SGCZ: variants seen among roughly 807,000 people sequenced by gnomAD.
SGCZ encodes the protein zeta-sarcoglycan.
SGCZ carries 40 observed loss-of-function variants against 41.3 expected under a neutral mutation model. That is an observed-to-expected ratio of 0.97 (90% CI 0.75 to 1.26). The LOEUF (loss-of-function observed/expected upper bound fraction) is 1.26. Among genes scored for constraint, SGCZ ranks in the 50% most tolerant of loss-of-function variants. SGCZ has a pLI of 0.00. For missense variants in SGCZ, 552 were observed against 369.8 expected (o/e 1.49, Z -4.04); for synonymous variants, 206 against 137.5 (o/e 1.50, Z -3.49).
intron 4 of SGCZ, among the ~76,000 whole-genome samples, chr8:14,166,956 T>C (rs1804229834): frequency 6.6e-6 from 1 of 152,132 alleles, no homozygotes; most frequent in African/African-American, 2.4e-5. Flanking sequence ...GAAAAAGAGA[T>C]ATAAAAATTC....
chr8:14,757,161 G>A (rs531096932), intron 1 of SGCZ, among the ~76,000 whole-genome samples: 43 of 152,138 alleles, frequency 2.8e-4, no homozygotes, highest in African/African-American at 1.0e-3. Context: ...CATTTCTCCT[G>A]CCTCAGCCTC....
chr8:14,331,562 A>T (rs1388460405), intron 2 of SGCZ, among the ~76,000 whole-genome samples: 2 of 152,090 alleles, frequency 1.3e-5, no homozygotes. Flanking sequence ...TAAACTCTAT[A>T]GTGGTAACAA....
intron 5 of SGCZ, among the ~76,000 whole-genome samples, chr8:14,144,366 A>G (rs193147558): frequency 6.6e-6 from 1 of 152,282 alleles, no homozygotes; most frequent in African/African-American, 2.4e-5. Flanking sequence ...TTCTAGATAG[A>G]CCCTGGGCCA....
In SGCZ at chr8:14,946,964, G is replaced by T. The variant is rs182322453; in HGVS notation, c.39+290621C>A. On this transcript the variant is annotated intron_variant, in intron 1 of 7. Transcript: ENST00000382080. ...GCTGGGATTACAGGCGTGAGCCACT[G>T]CACCTGGACTGCCTCTTTCTATAGT... 4.1e-3 allele frequency among the ~76,000 whole-genome samples: 631 copies of T among 152,202 alleles called. 5 individuals are homozygous for T. Among genetic ancestry groups the T allele is most frequent in the South Asian group, 0.017 (84 of 4,830 alleles).
At chr8:15,186,051 G>C (rs182069101) in intron 1 of SGCZ, among the ~76,000 whole-genome samples, 2 of 148,358 alleles carry the variant, frequency 1.3e-5, no homozygotes, top group Non-Finnish European at 3.0e-5. Flanking sequence ...GTGAAACCCC[G>C]TCTTTACTAA....
intron 1 of SGCZ, among the ~76,000 whole-genome samples, chr8:14,888,351 T>C (rs1804888315): frequency 1.3e-5 from 2 of 152,140 alleles, no homozygotes; most frequent in South Asian, 4.1e-4. Flanking sequence ...TCTTATTTTA[T>C]TTATTAGGGC....
chr8:14,197,100 A>G (rs1421960186), intron 4 of SGCZ, among the ~76,000 whole-genome samples: 1 of 152,220 alleles, frequency 6.6e-6, no homozygotes, highest in Non-Finnish European at 1.5e-5. Context: ...CATGTTTAAT[A>G]TCATGTAAAT....
At chr8:14,687,175 T>TAA (rs1293910363) in intron 1 of SGCZ, among the ~76,000 whole-genome samples, 90 of 146,772 alleles carry the variant, frequency 6.1e-4, no homozygotes, top group Non-Finnish European at 1.1e-3. Context: ...AAAAAAAATA[T>TAA]ATATATATAT....
chr8:14,298,130 A>G (rs1319889269), intron 3 of SGCZ, among the ~76,000 whole-genome samples: 1 of 152,020 alleles, frequency 6.6e-6, no homozygotes, highest in Non-Finnish European at 1.5e-5. Flanking sequence ...TAATAGATAC[A>G]GAAAGATAAT....
At chr8:14,242,871 T>TA (rs775566738) in intron 3 of SGCZ, among the ~76,000 whole-genome samples, 2 of 151,824 alleles carry the variant, frequency 1.3e-5, no homozygotes, top group African/African-American at 2.4e-5. Flanking sequence ...CAAACCAATA[T>TA]AAAAAAAATA....
intron 1 of SGCZ, among the ~76,000 whole-genome samples, chr8:15,232,356 A>C (rs973557767): frequency 6.6e-6 from 1 of 152,116 alleles, no homozygotes; most frequent in Non-Finnish European, 1.5e-5. Context: ...ATGTATTTTC[A>C]ATTGGTAAAC....
chr8:15,125,499 A>G (rs1209694266), intron 1 of SGCZ, among the ~76,000 whole-genome samples: 1 of 152,148 alleles, frequency 6.6e-6, no homozygotes, highest in Non-Finnish European at 1.5e-5. Flanking sequence ...AAAGAGAAAT[A>G]TTCTCTTCTT....
chr8:14,309,312 T>C, intron 3 of SGCZ: 1 of 1,593,258 alleles, frequency 6.3e-7, no homozygotes, highest in Non-Finnish European at 8.6e-7. Context: ...AAGGATGGTA[T>C]TGAGACTATG....
At chr8:14,877,769 C>T (rs1804416971) in intron 1 of SGCZ, among the ~76,000 whole-genome samples, 1 of 152,056 alleles carries the variant, frequency 6.6e-6, no homozygotes, top group Non-Finnish European at 1.5e-5. Flanking sequence ...CATTTTCCTA[C>T]AAAAACGAAT....
chr8:14,439,174 T>C (rs1213206692), intron 2 of SGCZ, among the ~76,000 whole-genome samples: 1 of 151,914 alleles, frequency 6.6e-6, no homozygotes, highest in Non-Finnish European at 1.5e-5. Flanking sequence ...TTATTTGTAG[T>C]AAGAAAATGC....
chr8:14,380,277 C>T (rs188534028), intron 2 of SGCZ, among the ~76,000 whole-genome samples: 1 of 152,058 alleles, frequency 6.6e-6, no homozygotes, highest in African/African-American at 2.4e-5. Context: ...TTGATGTTTT[C>T]CTTTCTTTCA....
intron 1 of SGCZ, among the ~76,000 whole-genome samples, chr8:14,798,985 T>C (rs1484552779): frequency 1.3e-5 from 2 of 151,956 alleles, no homozygotes; most frequent in South Asian, 2.1e-4. Context: ...AAGATTACCA[T>C]AATACAGTAG....
intron 3 of SGCZ, among the ~76,000 whole-genome samples, chr8:14,255,773 C>G (rs942484536): frequency 2.6e-5 from 4 of 151,862 alleles, no homozygotes; most frequent in African/African-American, 9.7e-5. Context: ...GAAATATATT[C>G]ATATAAATAA....
At chr8:14,326,397 T>C (rs1400793177) in intron 2 of SGCZ, among the ~76,000 whole-genome samples, 1 of 151,996 alleles carries the variant, frequency 6.6e-6, no homozygotes, top group Non-Finnish European at 1.5e-5. Context: ...TAGAAAAATT[T>C]TGAAGAGAGA....
Sources: gnomAD v4.1 joint callset for allele counts (sites outside exome capture counted in the v4.1 genomes callset) on GRCh38, gnomAD v4.1.1 for gene constraint, MANE v1.5 for transcripts, NCBI Gene and HGNC (gene_info 2026-07-23, HGNC 2026-07-21) for gene names.